GALNT16: variants seen among roughly 807,000 people sequenced by gnomAD.
The protein encoded by GALNT16 is polypeptide N-acetylgalactosaminyltransferase 16.
In GALNT16, 40 loss-of-function variants were observed where a neutral mutation model predicts 76.1. The ratio of observed to expected loss-of-function variants is 0.53; its 90% confidence interval spans 0.41 to 0.68. The LOEUF is 0.68. Ranked by LOEUF, GALNT16 falls within the 30% of genes least tolerant of loss-of-function variation. The pLI is 0.00. For missense variants in GALNT16, 621 were observed against 731.9 expected (o/e 0.85, Z 1.75); for synonymous variants, 276 against 285.2 (o/e 0.97, Z 0.32).
At chr14:69,380,515 C>T in the GALNT16 span, 5 of 897,764 alleles carry the variant, frequency 5.6e-6, no homozygotes, top group African/African-American at 1.7e-5. Flanking sequence ...CCCACCCCAA[C>T]CCCCCCAGTG....
Position 69,298,154 on chromosome 14 carries a change from A to G in GALNT16, c.178-22557A>G, listed in dbSNP as rs140077379. Reference sequence around the variant, plus strand: ...AAAGAAAGCAGCCCCTCTCTCAGGAAGAGTCAGGAGGGCAGAGGAGTTACA... The same window carrying G: ...AAAGAAAGCAGCCCCTCTCTCAGGAGGAGTCAGGAGGGCAGAGGAGTTACA... On this transcript the variant is annotated intron_variant, in intron 1 of 14. Coordinates refer to ENST00000448469, the MANE Select transcript of GALNT16 (RefSeq NM_001168368.2). 1.3e-4 allele frequency among the ~76,000 whole-genome samples: 20 copies of G among 152,364 alleles called. No homozygotes were observed. The East Asian group carries it at 3.9e-3, about 29-fold the overall frequency.
At chr14:69,375,861 A>G in the GALNT16 span, among the ~76,000 whole-genome samples, 1 of 152,158 alleles carries the variant, frequency 6.6e-6, no homozygotes, top group Admixed American at 6.5e-5. Flanking sequence ...GCAGTCTAGA[A>G]TTCCTGGCAT....
At chr14:69,265,082 C>T (rs1178203307) in intron 1 of GALNT16, among the ~76,000 whole-genome samples, 1 of 152,124 alleles carries the variant, frequency 6.6e-6, no homozygotes, top group Non-Finnish European at 1.5e-5. Context: ...TCCCAAAGTG[C>T]TGGGATTACA....
In GALNT16 at chr14:69,352,296, C is replaced by A; in HGVS notation, c.*128C>A. The stretch of plus-strand genomic sequence containing the variant: ...TCTGCCAGGACCATCAGCAAATACC[C>A]ACCATGACACACGTTCTCCAAAGCT... On this transcript the variant is annotated 3_prime_UTR_variant, in exon 15 of 15. Coordinates refer to ENST00000448469, the MANE Select transcript of GALNT16 (RefSeq NM_001168368.2). 1 of 825,198 alleles carries A rather than the reference C, an allele frequency of 1.2e-6. No homozygotes were observed. The highest frequency in any genetic ancestry group is 1.9e-6 in the Non-Finnish European group (1 of 540,446). The allele number at this position is 825,198 out of a possible 1,614,324, so 51.1% of individuals were successfully genotyped here. A position where few individuals can be genotyped will look rare whatever the true frequency, so the allele number is the denominator to read the frequency against.
intron 1 of GALNT16, among the ~76,000 whole-genome samples, chr14:69,320,148 GT>G (rs1169719881): frequency 3.3e-5 from 5 of 152,264 alleles, no homozygotes; most frequent in Non-Finnish European, 5.9e-5. Flanking sequence ...GGAATGACCA[GT>G]TTAAATCCAG....
chr14:69,338,209 A>C (rs1327507994), intron 9 of GALNT16, among the ~76,000 whole-genome samples: 1 of 152,248 alleles, frequency 6.6e-6, no homozygotes, highest in Admixed American at 6.5e-5. Context: ...AAGAGGTGCC[A>C]GCTGGAGCAG....
chr14:69,320,841 G>T lies in GALNT16; in HGVS notation c.308G>T (p.Arg103Leu), dbSNP rs149659360. Reference sequence around the variant, plus strand: ...GAGAGTGACAAGCTGAGCCCAGACCGGCCCATCCGGGACACCCGCCATTAC... The same window carrying T: ...GAGAGTGACAAGCTGAGCCCAGACCTGCCCATCCGGGACACCCGCCATTAC... ...QLESDKLSPD[R>L]PIRDTRHYSC... The change falls in exon 2 of 15, where the codon CGG (arginine) becomes CTG (leucine). Residue 103 changes from arginine to leucine, a missense_variant. Physicochemically the swap from Arg to Leu is moderately radical, Grantham distance 102. Coordinates refer to ENST00000448469, the MANE Select transcript of GALNT16 (RefSeq NM_001168368.2). The T allele has an allele frequency of 6.2e-7, 1 of 1,613,274 alleles. No individual in the cohort carries two copies. Among genetic ancestry groups the T allele is most frequent in the Non-Finnish European group, 8.5e-7 (1 of 1,179,386 alleles).
chr14:69,300,023 C>T (rs1440559397), intron 1 of GALNT16, among the ~76,000 whole-genome samples: 2 of 152,200 alleles, frequency 1.3e-5, no homozygotes, highest in Non-Finnish European at 2.9e-5. Context: ...CTTCCCCAGC[C>T]CATCAGCGGC....
intron 1 of GALNT16, among the ~76,000 whole-genome samples, chr14:69,291,659 C>T (rs139615185): frequency 6.6e-6 from 1 of 152,336 alleles, no homozygotes; most frequent in Non-Finnish European, 1.5e-5. Flanking sequence ...TGGGGAAAGA[C>T]AATCCTCGCC....
At chr14:69,372,491 C>CTTTTTTTTTTTTTTTTTTT in the GALNT16 span, among the ~76,000 whole-genome samples, 1 of 103,752 alleles carries the variant, frequency 9.6e-6, no homozygotes, top group Non-Finnish European at 1.9e-5. Flanking sequence ...GATCATTAGC[C>CTTTTTTTTTTTTTTTTTTT]TTTTTTTTTT....
intron 1 of GALNT16, among the ~76,000 whole-genome samples, chr14:69,273,586 G>C (rs1040471498): frequency 1.3e-4 from 20 of 152,212 alleles, no homozygotes; most frequent in Admixed American, 6.5e-4. Context: ...TTAGAGATCT[G>C]ACATGCTTTA....
At chr14:69,356,019 G>A (rs930849720), downstream of GALNT16, 5 of 152,302 alleles carry the variant, frequency 3.3e-5, no homozygotes, top group East Asian at 1.9e-4. Flanking sequence ...CATTTATAAC[G>A]TCTGTAATTT....
chr14:69,271,160 A>G (rs527975272), intron 1 of GALNT16, among the ~76,000 whole-genome samples: 2 of 152,246 alleles, frequency 1.3e-5, no homozygotes, highest in East Asian at 3.9e-4. Context: ...CGCTGGATGC[A>G]CCCCGGAATT....
chr14:69,369,151 G>A, the GALNT16 span, among the ~76,000 whole-genome samples: 1 of 152,174 alleles, frequency 6.6e-6, no homozygotes, highest in East Asian at 1.9e-4. Flanking sequence ...TATTGCAGAT[G>A]ATAACTGATG....
upstream of GALNT16, chr14:69,260,063 G>A (rs2044239255): frequency 1.4e-5 from 7 of 495,372 alleles, no homozygotes; most frequent in Non-Finnish European, 2.5e-5. Context: ...TGGGCGCCCG[G>A]GGGACGCGCG....
the GALNT16 span, among the ~76,000 whole-genome samples, chr14:69,379,859 G>A: frequency 6.6e-6 from 1 of 152,146 alleles, no homozygotes; most frequent in South Asian, 2.1e-4. Flanking sequence ...TGCTGCTGCG[G>A]ACAAGCTTTA....
intron 1 of GALNT16, among the ~76,000 whole-genome samples, chr14:69,318,755 C>T (rs1028498970): frequency 6.6e-6 from 1 of 152,140 alleles, no homozygotes; most frequent in Non-Finnish European, 1.5e-5. Context: ...GCAAATCATC[C>T]CTCTGCAGTT....
At chr14:69,369,227 G>C in the GALNT16 span, among the ~76,000 whole-genome samples, 1 of 152,188 alleles carries the variant, frequency 6.6e-6, no homozygotes, top group Non-Finnish European at 1.5e-5. Context: ...GGAATGGAAG[G>C]AGGGATCATG....
the GALNT16 span, among the ~76,000 whole-genome samples, chr14:69,364,237 T>C: frequency 6.6e-6 from 1 of 152,258 alleles, no homozygotes; most frequent in Non-Finnish European, 1.5e-5. The surrounding 1 kb of genome is among the most constrained non-coding windows in gnomAD (Gnocchi z 4.2). Context: ...CTTCCTCTTT[T>C]AATTTGGCTG....
Sources: gnomAD v4.1 joint callset for allele counts (sites outside exome capture counted in the v4.1 genomes callset) on GRCh38, gnomAD v4.1.1 for gene constraint, Gnocchi (gnomAD v3.1) non-coding constraint, MANE v1.5 for transcripts, NCBI Gene and HGNC (gene_info 2026-07-23, HGNC 2026-07-21) for gene names.